The following DNAJC5B variants were observed in gnomAD, a reference collection of about 807,000 sequenced individuals.
The protein encoded by DNAJC5B is DnaJ heat shock protein family (Hsp40) member C5 beta, also known as dnaJ homolog subfamily C member 5B.
In DNAJC5B, 23 loss-of-function variants were observed where a neutral mutation model predicts 24.7. The ratio of observed to expected loss-of-function variants is 0.93; its 90% CI spans 0.67 to 1.32. The LOEUF is 1.32. Among genes scored for constraint, DNAJC5B ranks in the 40% most tolerant of loss-of-function variants. The pLI, the probability that DNAJC5B is intolerant of heterozygous loss-of-function variation, is 0.00. For missense variants in DNAJC5B, 238 were observed against 240.8 expected, an observed-to-expected ratio of 0.99 and a Z score of 0.08; for synonymous variants, 101 against 90.1, an observed-to-expected ratio of 1.12 and a Z score of -0.68.
At chr8:66,048,963 A>G (rs146242855) in intron 2 of DNAJC5B, among the ~76,000 whole-genome samples, 1 of 152,340 alleles carries the variant, frequency 6.6e-6, no homozygotes, top group African/African-American at 2.4e-5. Context: ...CCTGTCCTCT[A>G]TGAGATCCCT....
chr8:66,052,767 G>A (rs534561028), intron 3 of DNAJC5B, among the ~76,000 whole-genome samples: 17 of 152,156 alleles, frequency 1.1e-4, no homozygotes, highest in Admixed American at 2.6e-4. Flanking sequence ...TACTTGTCTT[G>A]ACAATATTTT....
intron 3 of DNAJC5B, among the ~76,000 whole-genome samples, chr8:66,075,120 G>A (rs530513436): frequency 6.6e-6 from 1 of 152,122 alleles, no homozygotes; most frequent in Non-Finnish European, 1.5e-5. Context: ...AGGCTGGAGT[G>A]CAGTGATGCA....
intron 4 of DNAJC5B, among the ~76,000 whole-genome samples, chr8:66,078,392 G>A (rs1349324300): frequency 6.6e-6 from 1 of 152,138 alleles, no homozygotes; most frequent in Non-Finnish European, 1.5e-5. Flanking sequence ...GAATGAATCA[G>A]TGTACCACAA....
In DNAJC5B at chr8:66,093,004, A is replaced by T. The variant is rs372093937; in HGVS notation, c.506-6933A>T. Among the ~76,000 whole-genome samples the T allele has an allele frequency of 1.8e-4, 27 of 152,164 alleles. No homozygotes were observed. In the South Asian group the frequency reaches 5.6e-3, roughly 32 times the overall value. ...ACTCTAGCAGCCCGCAGTGTCTGTT[A>T]TTCCCATTTTATGTCTGTGTGTGCT... On this transcript the variant is annotated intron_variant, in intron 5 of 5. Transcript: ENST00000276570.
chr8:66,091,987 G>C (rs1230991919), intron 5 of DNAJC5B, among the ~76,000 whole-genome samples: 6 of 152,166 alleles, frequency 3.9e-5, no homozygotes, highest in Admixed American at 6.5e-5. Flanking sequence ...GCGGGAAGTA[G>C]ATTGGTGGTT....
chr8:66,042,335 T>A (rs577497327), intron 1 of DNAJC5B, among the ~76,000 whole-genome samples: 4 of 152,230 alleles, frequency 2.6e-5, no homozygotes, highest in African/African-American at 9.6e-5. Flanking sequence ...TTGAAACTAA[T>A]GTTCTATGTA....
upstream of DNAJC5B, chr8:66,021,491 A>C (rs976676508): frequency 2.0e-5 from 3 of 152,220 alleles, no homozygotes; most frequent in Non-Finnish European, 4.4e-5. Context: ...TGAGGATTCC[A>C]CTCTGTGACA....
intron 3 of DNAJC5B, among the ~76,000 whole-genome samples, chr8:66,051,914 A>C (rs77632494): frequency 0.049 from 7,521 of 152,148 alleles, 231 homozygotes; most frequent in Middle Eastern, 0.082. Context: ...TGAAAGAGAG[A>C]GAGAAAGACA....
chr8:66,085,577 AAT>A (rs112577538), intron 5 of DNAJC5B, among the ~76,000 whole-genome samples: 8 of 150,518 alleles, frequency 5.3e-5, no homozygotes, highest in Admixed American at 1.3e-4. Flanking sequence ...CATCTCAAAA[AAT>A]ATATATATAT....
At chr8:66,058,299 C>A (rs976289671) in intron 3 of DNAJC5B, among the ~76,000 whole-genome samples, 3 of 152,026 alleles carry the variant, frequency 2.0e-5, no homozygotes, top group African/African-American at 7.3e-5. Flanking sequence ...TTTTTAAAAC[C>A]AACTTTTTGC....
intron 3 of DNAJC5B, among the ~76,000 whole-genome samples, chr8:66,062,513 A>G (rs1023742800): frequency 1.3e-5 from 2 of 152,388 alleles, no homozygotes; most frequent in South Asian, 2.1e-4. Context: ...TTACACCAAT[A>G]CATACATTTT....
At chr8:66,037,678 G>A (rs1171217010) in intron 1 of DNAJC5B, among the ~76,000 whole-genome samples, 1 of 152,208 alleles carries the variant, frequency 6.6e-6, no homozygotes, top group East Asian at 1.9e-4. Flanking sequence ...AGAGAGCAAG[G>A]CTGTTCTTAG....
intron 5 of DNAJC5B, among the ~76,000 whole-genome samples, chr8:66,087,938 T>C (rs1807764246): frequency 2.0e-5 from 3 of 152,210 alleles, no homozygotes; most frequent in Non-Finnish European, 2.9e-5. Flanking sequence ...ATCTGGAGGA[T>C]GGTAGCCTTC....
chr8:66,081,389 A>C (rs1480487594), intron 5 of DNAJC5B, among the ~76,000 whole-genome samples: 2 of 152,166 alleles, frequency 1.3e-5, no homozygotes, highest in Non-Finnish European at 2.9e-5. Context: ...CCTGGAGTAC[A>C]GACTTTATCA....
intron 4 of DNAJC5B, among the ~76,000 whole-genome samples, chr8:66,079,859 G>A (rs903652145): frequency 6.6e-6 from 1 of 152,190 alleles, no homozygotes; most frequent in Non-Finnish European, 1.5e-5. Flanking sequence ...CCAGGATAGA[G>A]GCATGAGGGA....
At chr8:66,040,904 T>C (rs185680093) in intron 1 of DNAJC5B, among the ~76,000 whole-genome samples, 232 of 152,356 alleles carry the variant, frequency 1.5e-3, no homozygotes, top group Middle Eastern at 0.01. Context: ...AAAGGGACTT[T>C]TTTTTTAACT....
At chr8:66,040,322 G>A (rs780057914) in intron 1 of DNAJC5B, among the ~76,000 whole-genome samples, 4 of 152,050 alleles carry the variant, frequency 2.6e-5, no homozygotes, top group African/African-American at 7.2e-5. Flanking sequence ...CTCAGGAGGC[G>A]GAGGTTGCAG....
At chr8:66,017,968 G>A (rs901868523), upstream of DNAJC5B, among the ~76,000 whole-genome samples, 3 of 152,132 alleles carry the variant, frequency 2.0e-5, no homozygotes, top group Non-Finnish European at 4.4e-5. Flanking sequence ...TTCTGAATAC[G>A]TAAAGACTCA....
chr8:66,061,476 A>G (rs141022396), intron 3 of DNAJC5B, among the ~76,000 whole-genome samples: 2 of 152,226 alleles, frequency 1.3e-5, no homozygotes, highest in African/African-American at 4.8e-5. Flanking sequence ...TACAAAGGAT[A>G]TACAAGGGCC....
Sources: allele counts gnomAD v4.1 joint callset (sites outside exome capture counted in the v4.1 genomes callset), GRCh38; gene constraint gnomAD v4.1.1; transcripts MANE v1.5; gene names NCBI Gene and HGNC (gene_info 2026-07-23, HGNC 2026-07-21).